OCRL: variants seen among roughly 807,000 people sequenced by gnomAD.
The protein encoded by OCRL is inositol polyphosphate 5-phosphatase OCRL.
Under a neutral mutation model 78.9 loss-of-function variants are expected in OCRL, and 8 were observed. The observed-to-expected ratio is 0.10, with a 90% confidence interval of 0.06 to 0.18. OCRL has a LOEUF of 0.18. Among genes scored for constraint, OCRL ranks in the 10% least tolerant of loss-of-function variants. The pLI is 1.00. For missense variants in OCRL, 454 were observed against 696.7 expected (o/e 0.65, Z 3.92); for synonymous variants, 240 against 235.4 (o/e 1.02, Z -0.18).
chrX:129,552,371 T>C (rs895754499), intron 4 of OCRL, among the ~76,000 whole-genome samples: 2 of 112,202 alleles, frequency 1.8e-5, no homozygotes, highest in South Asian at 7.4e-4. Context: ...AAGAATGAGT[T>C]TTCCTCAAGG....
At position 129,590,368 on chromosome X, in the gene OCRL, C is replaced by A. The variant is rs1936571924; in HGVS notation, c.*98C>A. On this transcript the variant is annotated 3_prime_UTR_variant, in exon 24 of 24. Transcript: ENST00000371113. ...GTCATGCCACAGGAAGGGTCTATTG[C>A]AGAATTTCAAGTTCTGTTTATAGTA... is the stretch of plus-strand genomic sequence containing the variant. The A allele has an allele frequency of 9.5e-7, 1 of 1,052,946 alleles. No individual in the cohort carries two copies. Among genetic ancestry groups the A allele is most frequent in the Non-Finnish European group, 1.3e-6 (1 of 758,891 alleles). 86.8% of individuals were successfully genotyped at this position (1,052,946 alleles called of 1,213,427 possible). A position where few individuals can be genotyped will look rare whatever the true frequency, so the allele number is the denominator to read the frequency against.
At position 129,540,445 on chromosome X, in the gene OCRL, G is replaced by T; in HGVS notation, c.6G>T (p.Glu2Asp). 8.7e-7 allele frequency: 1 copy of T among 1,152,887 alleles called. No homozygotes were observed. Among genetic ancestry groups the T allele is most frequent in the Non-Finnish European group, 1.1e-6 (1 of 870,052 alleles). Residue 2 changes from glutamate (E) to aspartate (D), a missense_variant, in exon 1 of 24, where the codon GAG becomes GAT. By Grantham distance (45) the Glu-to-Asp change is conservative. Transcript: ENST00000371113. The stretch of plus-strand genomic sequence containing the variant: ...TGAGCCCGGAGGCCGCCTGGATGGA[G>T]CCGCCGCTCCCGGTCGGAGCCCAGC... Reference protein sequence around the residue: MEPPLPVGAQPL... With the variant: MDPPLPVGAQPL...
rs138456931 is a variant in OCRL, at chrX:129,571,826, T to C, written c.1602+2427T>C. Reference sequence around the variant, plus strand: ...AAATTAAAAGGAAATTTAAGCAGAATTGACAGATAAGGCAGAAGTTCTTCA... The same window carrying C: ...AAATTAAAAGGAAATTTAAGCAGAACTGACAGATAAGGCAGAAGTTCTTCA... On this transcript the variant is annotated intron_variant, in intron 15 of 23. Transcript: ENST00000371113. Among the ~76,000 whole-genome samples, 776 of 111,851 alleles carry C rather than the reference T, an allele frequency of 6.9e-3. 13 individuals carry two copies. The highest frequency in any genetic ancestry group is 0.024 in the African/African-American group (735 of 30,782).
intron 18 of OCRL, among the ~76,000 whole-genome samples, chrX:129,582,387 C>T (rs777927343): frequency 8.9e-6 from 1 of 112,591 alleles, no homozygotes; most frequent in Non-Finnish European, 1.9e-5. Context: ...ATTGCCTTCC[C>T]CTGCAAAGGC....
intron 2 of OCRL, among the ~76,000 whole-genome samples, chrX:129,542,229 A>G (rs1414153045): frequency 3.7e-5 from 4 of 107,827 alleles, no homozygotes; most frequent in Middle Eastern, 4.3e-3. Flanking sequence ...CTGTTGAGCT[A>G]ATAAGGAAGT....
At chrX:129,561,809 A>G (rs1227210891) in intron 10 of OCRL, among the ~76,000 whole-genome samples, 4 of 111,890 alleles carry the variant, frequency 3.6e-5, no homozygotes, top group Middle Eastern at 4.6e-3. Context: ...AGTTAATTAC[A>G]GGGCTATCAT....
In OCRL at chrX:129,560,130, T is replaced by A. The variant is rs769637133; in HGVS notation, c.723-420T>A. Among the ~76,000 whole-genome samples the A allele has an allele frequency of 2.7e-5, 3 of 112,259 alleles. No homozygotes were observed. In the South Asian group the frequency reaches 1.1e-3, roughly 41 times the overall value. On this transcript the variant is annotated intron_variant, in intron 8 of 23. Transcript: ENST00000371113. ...AGAATTTCCTACACAGATGTCCTTGTAATCCTTCAGGAAGTGAGTTCCTGG... is the reference window on the plus strand; with the variant it reads ...AGAATTTCCTACACAGATGTCCTTGAAATCCTTCAGGAAGTGAGTTCCTGG...
intron 2 of OCRL, among the ~76,000 whole-genome samples, chrX:129,542,676 A>C (rs1602765210): frequency 9.0e-6 from 1 of 111,032 alleles, no homozygotes; most frequent in African/African-American, 3.3e-5. Context: ...ACTTGTTTGC[A>C]ATTAGGGAGT....
chrX:129,551,108 A>G (rs754120023), intron 4 of OCRL, among the ~76,000 whole-genome samples: 25 of 111,699 alleles, frequency 2.2e-4, no homozygotes, highest in Non-Finnish European at 7.5e-5. Flanking sequence ...CTAAAATTAA[A>G]CTGTCCCTTG....
chrX:129,547,326 C>G (rs752906679), intron 3 of OCRL, among the ~76,000 whole-genome samples: 112 of 109,883 alleles, frequency 1.0e-3, no homozygotes, highest in South Asian at 2.4e-3. Flanking sequence ...GAGATTGAGA[C>G]CATCCTGGCT....
chrX:129,573,467 G>A (rs928516498), intron 15 of OCRL, among the ~76,000 whole-genome samples: 1 of 111,801 alleles, frequency 8.9e-6, no homozygotes, highest in African/African-American at 3.3e-5. Flanking sequence ...ACCTATAAGT[G>A]AGAATATGCG....
At chrX:129,545,442 C>T in intron 3 of OCRL, among the ~76,000 whole-genome samples, 1 of 112,529 alleles carries the variant, frequency 8.9e-6, no homozygotes, top group Non-Finnish European at 1.9e-5. Context: ...GAAATTAAGA[C>T]ATTTGGCAAC....
intron 19 of OCRL, among the ~76,000 whole-genome samples, chrX:129,586,142 C>G (rs1442932356): frequency 9.0e-6 from 1 of 111,591 alleles, no homozygotes; most frequent in Admixed American, 9.6e-5. Flanking sequence ...CCTAAGATAA[C>G]TGAGTTTATT....
chrX:129,573,067 C>G (rs1192569628), intron 15 of OCRL, among the ~76,000 whole-genome samples: 2 of 111,879 alleles, frequency 1.8e-5, no homozygotes, highest in African/African-American at 6.5e-5. Context: ...GTATAAAATT[C>G]ATCTTAAACT....
intron 12 of OCRL, 25 bp downstream of exon 12, chrX:129,562,811 C>A (rs1569459556): frequency 8.5e-7 from 1 of 1,176,833 alleles, no homozygotes; most frequent in Admixed American, 2.2e-5. Flanking sequence ...CACCTGTAGC[C>A]TTTGAGTAGT....
intron 18 of OCRL, among the ~76,000 whole-genome samples, chrX:129,579,253 TCC>T (rs1350092000): frequency 8.9e-6 from 1 of 111,753 alleles, no homozygotes; most frequent in Non-Finnish European, 1.9e-5. Flanking sequence ...ACAATTAGTA[TCC>T]CATCTTTAAT....
In OCRL at chrX:129,589,030, T is replaced by C. The variant is rs1476263684; in HGVS notation, c.2469+17T>C. 8.3e-7 allele frequency: 1 copy of C among 1,210,822 alleles called. No homozygotes were observed. The highest frequency in any genetic ancestry group is 3.0e-5 in the East Asian group (1 of 33,837). ...TGCCGACAGGTGGGTTCTACTGACCTGGGGATGTGTTTGACGCAGATTGCC... is the reference window on the plus strand; with the variant it reads ...TGCCGACAGGTGGGTTCTACTGACCCGGGGATGTGTTTGACGCAGATTGCC... On this transcript the variant is annotated intron_variant, in intron 22 of 23. Transcript: ENST00000371113.
chrX:129,575,433 G>T (rs1207181287), intron 16 of OCRL, among the ~76,000 whole-genome samples, 183 bp downstream of exon 16: 1 of 111,867 alleles, frequency 8.9e-6, no homozygotes, highest in Non-Finnish European at 1.9e-5. Flanking sequence ...TATCTTACCC[G>T]CTCAGAGCCG....
intron 17 of OCRL, 57 bp downstream of exon 17, chrX:129,576,119 G>A (rs1936365023): frequency 2.6e-6 from 3 of 1,138,129 alleles, no homozygotes; most frequent in Admixed American, 4.4e-5. Flanking sequence ...CCATCCCCTT[G>A]GTTTAACTTT....
Sources: allele counts gnomAD v4.1 joint callset (sites outside exome capture counted in the v4.1 genomes callset), GRCh38; gene constraint gnomAD v4.1.1; transcripts MANE v1.5; gene names NCBI Gene and HGNC (gene_info 2026-07-23, HGNC 2026-07-21).